PDSS2: variants seen among roughly 807,000 people sequenced by gnomAD.
PDSS2 encodes the protein all trans-polyprenyl-diphosphate synthase PDSS2.
PDSS2 carries 31 observed loss-of-function variants against 44.5 expected under a neutral mutation model. The ratio of observed to expected loss-of-function variants is 0.70; its 90% CI spans 0.52 to 0.94. The LOEUF is 0.94. Among genes scored for constraint, PDSS2 ranks in the 40% least tolerant of loss-of-function variants. The pLI is 0.00. For missense variants in PDSS2, 452 were observed against 482.2 expected (o/e 0.94, Z 0.59); for synonymous variants, 157 against 180.3 (o/e 0.87, Z 1.03).
intron 2 of PDSS2, among the ~76,000 whole-genome samples, chr6:107,283,140 G>A (rs1776025583): frequency 6.6e-6 from 1 of 151,130 alleles, no homozygotes; most frequent in South Asian, 2.1e-4. Flanking sequence ...GCAACATAGG[G>A]AGACCTCATC....
At chr6:107,161,899 T>A (rs2114289911) in intron 7 of PDSS2, among the ~76,000 whole-genome samples, 1 of 152,326 alleles carries the variant, frequency 6.6e-6, no homozygotes, top group Non-Finnish European at 1.5e-5. Context: ...TCTGATCCAT[T>A]TGAAAGTAAA....
At chr6:107,292,748 G>A (rs2115027919) in intron 2 of PDSS2, among the ~76,000 whole-genome samples, 1 of 152,240 alleles carries the variant, frequency 6.6e-6, no homozygotes, top group South Asian at 2.1e-4. Context: ...TTATCCTGCA[G>A]GTCAACCAGA....
chr6:107,152,642 G>A lies in PDSS2; in HGVS notation c.*1977C>T, dbSNP rs1770751188. On this transcript the variant is annotated 3_prime_UTR_variant, in exon 8 of 8. Transcript: ENST00000369037. ...AACTTTTGAATCTCATTGTACAGAT[G>A]AGAAAATTGAGGCTCAGAAGGAAGT... is the stretch of plus-strand genomic sequence containing the variant. 1 of 151,698 alleles carries A rather than the reference G, an allele frequency of 6.6e-6. No homozygotes were observed. The highest frequency in any genetic ancestry group is 1.5e-5 in the Non-Finnish European group (1 of 67,970). 9.4% of individuals were successfully genotyped at this position (151,698 alleles called of 1,614,324 possible).
chr6:107,191,144 A>G (rs1582761804), intron 7 of PDSS2, among the ~76,000 whole-genome samples: 1 of 151,816 alleles, frequency 6.6e-6, no homozygotes, highest in South Asian at 2.1e-4. Context: ...GCCCGCCTCC[A>G]CCTCCCAAAG....
Position 107,177,972 on chromosome 6 carries a change from G to A in PDSS2, c.1041+15850C>T, listed in dbSNP as rs998206024. ...ATAAACTATGTTAAGAGTGAGTTTC[G>A]GTTTCTGTTATTTTACTTGAATCCC... On this transcript the variant is annotated intron_variant, in intron 7 of 7. Transcript: ENST00000369037. Among the ~76,000 whole-genome samples, 5 of 152,120 alleles carry A rather than the reference G, an allele frequency of 3.3e-5. No homozygotes were observed. In the South Asian group the frequency reaches 1.0e-3, roughly 32 times the overall value.
At chr6:107,225,157 ATATATTTTTTTTT>A (rs1773763992) in intron 4 of PDSS2, among the ~76,000 whole-genome samples, 1 of 30,586 alleles carries the variant, frequency 3.3e-5, no homozygotes, top group Non-Finnish European at 5.0e-5. Flanking sequence ...ATATATATAT[ATATATTTTTTTTT>A]TTTTTTTTTT....
chr6:107,206,247 T>C (rs975109484), intron 6 of PDSS2, among the ~76,000 whole-genome samples: 3 of 152,118 alleles, frequency 2.0e-5, no homozygotes, highest in Non-Finnish European at 4.4e-5. Context: ...AATTTTTGTA[T>C]TTTTAGTACA....
At chr6:107,321,540 A>G (rs1272502249) in intron 2 of PDSS2, among the ~76,000 whole-genome samples, 1 of 152,228 alleles carries the variant, frequency 6.6e-6, no homozygotes, top group African/African-American at 2.4e-5. Context: ...GTTCATGAGC[A>G]GATATGCCTA....
chr6:107,256,426 T>C (rs1354395357), intron 3 of PDSS2, among the ~76,000 whole-genome samples: 1 of 152,200 alleles, frequency 6.6e-6, no homozygotes, highest in Non-Finnish European at 1.5e-5. Flanking sequence ...GCCATGTCTT[T>C]TGGGTAACAC....
At chr6:107,440,144 C>A (rs1035344402) in intron 1 of PDSS2, among the ~76,000 whole-genome samples, 1 of 152,178 alleles carries the variant, frequency 6.6e-6, no homozygotes, top group Admixed American at 6.5e-5. Flanking sequence ...AGCCATCTAC[C>A]TCATAAGGGA....
At chr6:107,345,943 G>A (rs914498037) in intron 1 of PDSS2, among the ~76,000 whole-genome samples, 3 of 152,072 alleles carry the variant, frequency 2.0e-5, no homozygotes, top group Non-Finnish European at 2.9e-5. Context: ...TTCCATGACT[G>A]GCTGCCTAAG....
chr6:107,247,036 G>T (rs1473299987), intron 3 of PDSS2, among the ~76,000 whole-genome samples: 1 of 152,100 alleles, frequency 6.6e-6, no homozygotes, highest in East Asian at 1.9e-4. Flanking sequence ...CCCCCTGAAG[G>T]TATCAGATAA....
rs116691784 is a variant in PDSS2 at position 107,187,680 on chromosome 6, C to T, written c.1041+6142G>A. On this transcript the variant is annotated intron_variant, in intron 7 of 7. Transcript: ENST00000369037. Reference sequence around the variant, plus strand: ...ACTCCATCTCAAAAAAAAAAAAAAACCTCTTAAAATGACTAATTTGAGTCT... The same window carrying T: ...ACTCCATCTCAAAAAAAAAAAAAAATCTCTTAAAATGACTAATTTGAGTCT... Among the ~76,000 whole-genome samples the T allele has an allele frequency of 5.7e-3, 852 of 150,772 alleles. 5 individuals carry two copies. The highest frequency in any genetic ancestry group is 0.019 in the African/African-American group (770 of 41,112).
chr6:107,329,301 C>G (rs1300761997), intron 2 of PDSS2, among the ~76,000 whole-genome samples: 1 of 152,208 alleles, frequency 6.6e-6, no homozygotes, highest in African/African-American at 2.4e-5. Context: ...GTGGTGCAGT[C>G]AGCTTCCAGA....
At chr6:107,396,257 CT>C (rs957515053) in intron 1 of PDSS2, among the ~76,000 whole-genome samples, 1 of 152,138 alleles carries the variant, frequency 6.6e-6, no homozygotes, top group African/African-American at 2.4e-5. Flanking sequence ...GTTATATCAC[CT>C]TGCACATCCT....
chr6:107,290,116 C>A (rs906703077), intron 2 of PDSS2, among the ~76,000 whole-genome samples: 3 of 152,130 alleles, frequency 2.0e-5, no homozygotes, highest in African/African-American at 7.2e-5. Context: ...AATGAGGACA[C>A]CTATTCTGTT....
intron 2 of PDSS2, among the ~76,000 whole-genome samples, chr6:107,277,931 G>A (rs1022471673): frequency 2.0e-5 from 3 of 152,012 alleles, no homozygotes; most frequent in Non-Finnish European, 4.4e-5. Context: ...CTGCACTCTA[G>A]CCTGGATGAC....
chr6:107,346,865 AT>A (rs764095563), intron 1 of PDSS2, among the ~76,000 whole-genome samples: 1 of 152,208 alleles, frequency 6.6e-6, no homozygotes, highest in Non-Finnish European at 1.5e-5. Context: ...TCTCTTGCTT[AT>A]AGGTCTGGTG....
At chr6:107,450,197 T>C (rs1781822082) in intron 1 of PDSS2, among the ~76,000 whole-genome samples, 1 of 152,224 alleles carries the variant, frequency 6.6e-6, no homozygotes, top group African/African-American at 2.4e-5. Context: ...TATTGTTGGG[T>C]AGCATTTCGT....
Sources: gnomAD v4.1 joint callset for allele counts (sites outside exome capture counted in the v4.1 genomes callset) on GRCh38, gnomAD v4.1.1 for gene constraint, MANE v1.5 for transcripts, NCBI Gene and HGNC (gene_info 2026-07-23, HGNC 2026-07-21) for gene names.